SLC11A2: variants seen among roughly 807,000 people sequenced by gnomAD.
SLC11A2 encodes the protein natural resistance-associated macrophage protein 2.
A neutral mutation model predicts 68.0 loss-of-function variants in SLC11A2; 38 were observed. That is an observed-to-expected ratio of 0.56 (90% CI 0.43 to 0.73). SLC11A2 has a LOEUF of 0.73. Ranked by LOEUF, SLC11A2 falls within the 30% of genes least tolerant of loss-of-function variation. The pLI, the probability that SLC11A2 is intolerant of heterozygous loss-of-function variation, is 0.00. For synonymous variants in SLC11A2, 242 were observed against 250.6 expected (o/e 0.97, Z 0.32); for missense variants, 517 against 690.5 (o/e 0.75, Z 2.82).
chr12:50,983,838 T>C (rs1030858424), downstream of SLC11A2, among the ~76,000 whole-genome samples: 2 of 152,084 alleles, frequency 1.3e-5, no homozygotes, highest in Admixed American at 1.3e-4. Flanking sequence ...CTTAGTGGTG[T>C]GTGCCTGTAG....
At chr12:50,953,857 T>C in the SLC11A2 span, 2 of 557,762 alleles carry the variant, frequency 3.6e-6, no homozygotes, top group Non-Finnish European at 6.3e-6. Flanking sequence ...GAAAGACAAT[T>C]GTTTCAGTTG....
chr12:50,953,811 G>T, the SLC11A2 span: 1 of 521,362 alleles, frequency 1.9e-6, no homozygotes, highest in South Asian at 2.6e-5. Context: ...CCCTTCCCCT[G>T]CAAAATGAAA....
At chr12:50,958,658 A>G in the SLC11A2 span, among the ~76,000 whole-genome samples, 5 of 152,112 alleles carry the variant, frequency 3.3e-5, no homozygotes, top group Admixed American at 1.3e-4. Flanking sequence ...ATATTGCTAC[A>G]GTAATCAACA....
chr12:50,994,699 A>G, intron 10 of SLC11A2, 69 bp from the exon 11 acceptor site: 5 of 864,858 alleles, frequency 5.8e-6, no homozygotes, highest in South Asian at 1.3e-5. Context: ...GCTCTCCTAC[A>G]TATCATACAC....
chr12:50,982,444 T>G (rs1257062234), downstream of SLC11A2, among the ~76,000 whole-genome samples: 3 of 151,956 alleles, frequency 2.0e-5, no homozygotes, highest in African/African-American at 7.3e-5. Flanking sequence ...GCCAACATGA[T>G]GAAACTCCGT....
intron 11 of SLC11A2, chr12:50,993,242 T>G: frequency 2.9e-6 from 1 of 339,052 alleles, no homozygotes; most frequent in Non-Finnish European, 5.5e-6. Flanking sequence ...CCAAATTATA[T>G]TCCTTTACAC....
chr12:50,972,933 G>A, the SLC11A2 span, among the ~76,000 whole-genome samples: 30 of 152,328 alleles, frequency 2.0e-4, no homozygotes, highest in Non-Finnish European at 3.4e-4. Context: ...ACGTGGCAGC[G>A]AGGCTGGGGG....
chr12:50,969,666 C>A, the SLC11A2 span, among the ~76,000 whole-genome samples: 9 of 150,874 alleles, frequency 6.0e-5, no homozygotes, highest in African/African-American at 2.2e-4. Flanking sequence ...GCCATTGTAC[C>A]ACTCCAGCCT....
At chr12:50,957,459 A>C in the SLC11A2 span, among the ~76,000 whole-genome samples, 93 of 151,818 alleles carry the variant, frequency 6.1e-4, 1 homozygote, top group African/African-American at 2.0e-3. Flanking sequence ...TCAGCCTCCC[A>C]AAGTGCTGGG....
the SLC11A2 span, among the ~76,000 whole-genome samples, chr12:50,956,527 T>A: frequency 1.3e-5 from 2 of 152,244 alleles, no homozygotes; most frequent in Non-Finnish European, 2.9e-5. Context: ...TTGTTGGTTA[T>A]CTTAAGCAAC....
At chr12:50,995,267 C>A (rs550928692) in intron 10 of SLC11A2, among the ~76,000 whole-genome samples, 1 of 152,128 alleles carries the variant, frequency 6.6e-6, no homozygotes, top group Admixed American at 6.6e-5. Context: ...CAAGACTGTG[C>A]CACTGCACTC....
chr12:50,960,913 C>T, the SLC11A2 span: 242,984 of 1,467,770 alleles, frequency 0.17, 23,310 homozygotes, highest in East Asian at 0.49. Context: ...CTCCTGGTCT[C>T]ACACGATGCT....
At chr12:51,017,242 T>C (rs1016882963) in intron 1 of SLC11A2, among the ~76,000 whole-genome samples, 1 of 152,076 alleles carries the variant, frequency 6.6e-6, no homozygotes, top group Non-Finnish European at 1.5e-5. Flanking sequence ...TTGATATTAG[T>C]AGAGGACTGG....
At chr12:50,970,707 A>G in the SLC11A2 span, among the ~76,000 whole-genome samples, 1 of 152,178 alleles carries the variant, frequency 6.6e-6, no homozygotes, top group African/African-American at 2.4e-5. Context: ...ATCCCGTGTT[A>G]ATGTCTTTCA....
In SLC11A2 at chr12:50,986,209, T is replaced by C. The variant is rs1940534548; in HGVS notation, c.*2116A>G. 10 of 1,283,160 alleles carry C rather than the reference T, an allele frequency of 7.8e-6. No homozygotes were observed. The highest frequency in any genetic ancestry group is 2.3e-5 in the Admixed American group (1 of 43,518). The allele number at this position is 1,283,160 out of a possible 1,614,324, so 79.5% of individuals were successfully genotyped here. On this transcript the variant is annotated 3_prime_UTR_variant, in exon 16 of 16. Coordinates refer to ENST00000262052, the MANE Select transcript of SLC11A2 (RefSeq NM_000617.3). ...AAGAACCAATTTATATAAAGTACAA[T>C]TGTATATCCTTAAACATTCCACATA... is the stretch of plus-strand genomic sequence containing the variant.
intron 5 of SLC11A2, among the ~76,000 whole-genome samples, chr12:51,001,585 C>CAAAAAAAAAAAA (rs57569917): frequency 1.8e-5 from 2 of 109,120 alleles, no homozygotes; most frequent in Non-Finnish European, 4.1e-5. Context: ...CTTGCTTTCA[C>CAAAAAAAAAAAA]AAAAAAAAAA....
intron 1 of SLC11A2, among the ~76,000 whole-genome samples, chr12:51,014,486 A>G (rs1310270405): frequency 1.3e-5 from 2 of 152,228 alleles, no homozygotes; most frequent in Admixed American, 1.3e-4. Flanking sequence ...AACAAATTCT[A>G]GATTCCAGTC....
downstream of SLC11A2, among the ~76,000 whole-genome samples, chr12:50,977,847 A>G (rs144166520): frequency 0.071 from 10,795 of 152,246 alleles, 719 homozygotes; most frequent in East Asian, 0.28. Context: ...ATGAACAGAC[A>G]CTTCTCAAAA....
chr12:51,021,612 G>A (rs1944047584), intron 1 of SLC11A2, among the ~76,000 whole-genome samples: 1 of 143,676 alleles, frequency 7.0e-6, no homozygotes, highest in Non-Finnish European at 1.6e-5. Context: ...GGGTGACATA[G>A]TGAGACCCTG....
Sources: gnomAD v4.1 joint callset for allele counts (sites outside exome capture counted in the v4.1 genomes callset) on GRCh38, gnomAD v4.1.1 for gene constraint, MANE v1.5 for transcripts, NCBI Gene and HGNC (gene_info 2026-07-23, HGNC 2026-07-21) for gene names.